The following KALRN variants were observed in gnomAD, a reference collection of about 807,000 sequenced individuals.
The protein encoded by KALRN is kalirin.
A neutral mutation model predicts 353.7 loss-of-function variants in KALRN; 70 were observed. That is an observed-to-expected ratio of 0.20 (90% CI 0.16 to 0.24). The LOEUF (loss-of-function observed/expected upper bound fraction) is 0.24. Among genes scored for constraint, KALRN ranks in the 10% least tolerant of loss-of-function variants. KALRN has a pLI of 1.00. For synonymous variants in KALRN, 1,391 were observed against 1,434.8 expected (o/e 0.97, Z 0.69); for missense variants, 2,791 against 3,756.7 (o/e 0.74, Z 6.72).
intron 1 of KALRN, among the ~76,000 whole-genome samples, chr3:124,186,732 T>C (rs953407758): frequency 1.6e-4 from 24 of 152,206 alleles, no homozygotes; most frequent in African/African-American, 5.8e-4. Flanking sequence ...ACAGTTCCCC[T>C]AGGGAATCAT....
At chr3:124,217,487 C>T (rs531699945) in intron 1 of KALRN, among the ~76,000 whole-genome samples, 16 of 152,112 alleles carry the variant, frequency 1.1e-4, no homozygotes, top group African/African-American at 2.9e-4. Flanking sequence ...TGTATGGGTA[C>T]GTACACAGAC....
chr3:124,361,247 T>C (rs374208911), intron 10 of KALRN, among the ~76,000 whole-genome samples: 42 of 152,282 alleles, frequency 2.8e-4, no homozygotes, highest in African/African-American at 9.6e-4. Flanking sequence ...CTAAAGGAAG[T>C]TTCTACTTTA....
At chr3:124,597,977 G>A (rs2076430175) in intron 34 of KALRN, among the ~76,000 whole-genome samples, 1 of 152,154 alleles carries the variant, frequency 6.6e-6, no homozygotes, top group South Asian at 2.1e-4. Flanking sequence ...CAGGGAGGGT[G>A]GAGTACTGGA....
chr3:124,157,088 G>A (rs1308615727), intron 1 of KALRN, among the ~76,000 whole-genome samples: 1 of 152,206 alleles, frequency 6.6e-6, no homozygotes, highest in East Asian at 1.9e-4. Flanking sequence ...GATGCCATTA[G>A]TTCAGTCTTT....
intron 37 of KALRN, among the ~76,000 whole-genome samples, chr3:124,647,730 T>A (rs2082938150): frequency 6.6e-6 from 1 of 152,182 alleles, no homozygotes; most frequent in Non-Finnish European, 1.5e-5. Flanking sequence ...ATAAATATTT[T>A]CCTGAATTCA....
At chr3:124,314,979 G>A (rs1199506584) in intron 6 of KALRN, among the ~76,000 whole-genome samples, 1 of 152,118 alleles carries the variant, frequency 6.6e-6, no homozygotes, top group Non-Finnish European at 1.5e-5. Flanking sequence ...AGCTTTTGTG[G>A]GAACTAACAG....
chr3:124,323,081 G>C (rs1390393931), intron 6 of KALRN, among the ~76,000 whole-genome samples: 1 of 137,374 alleles, frequency 7.3e-6, no homozygotes, highest in Non-Finnish European at 1.6e-5. Flanking sequence ...TCCGCCTGCT[G>C]ATAAGGAAAC....
intron 33 of KALRN, among the ~76,000 whole-genome samples, chr3:124,522,801 G>T (rs994693095): frequency 6.6e-6 from 1 of 152,202 alleles, no homozygotes; most frequent in Non-Finnish European, 1.5e-5. Context: ...CCTGAGAAAT[G>T]AGGCATCCAT....
intron 1 of KALRN, among the ~76,000 whole-genome samples, chr3:124,209,852 A>G (rs2076756090): frequency 6.6e-6 from 1 of 152,208 alleles, no homozygotes; most frequent in Non-Finnish European, 1.5e-5. Context: ...ATATGCTTGT[A>G]TTACATCATC....
intron 34 of KALRN, among the ~76,000 whole-genome samples, chr3:124,593,036 T>C (rs34086101): frequency 0.15 from 23,422 of 152,180 alleles, 1,941 homozygotes; most frequent in Middle Eastern, 0.19. Flanking sequence ...GTATGTGCTC[T>C]TCCCAGCGCA....
chr3:124,090,833 G>T (rs767344765), intron 1 of KALRN, among the ~76,000 whole-genome samples: 1 of 152,172 alleles, frequency 6.6e-6, no homozygotes, highest in Non-Finnish European at 1.5e-5. Context: ...ATAACCAACC[G>T]TCTAAGGTGA....
intron 33 of KALRN, among the ~76,000 whole-genome samples, chr3:124,526,393 C>T (rs894293202): frequency 4.0e-5 from 6 of 151,818 alleles, no homozygotes; most frequent in East Asian, 1.9e-4. Flanking sequence ...GCCAATATAG[C>T]GAGACCCTAT....
At chr3:124,622,740 C>G (rs1042770462) in intron 34 of KALRN, among the ~76,000 whole-genome samples, 4 of 152,122 alleles carry the variant, frequency 2.6e-5, no homozygotes, top group African/African-American at 9.7e-5. Context: ...TCCAAATCGC[C>G]TTGGGGTCAG....
At chr3:124,448,909 T>C (rs2058501805) in intron 21 of KALRN, among the ~76,000 whole-genome samples, 1 of 152,208 alleles carries the variant, frequency 6.6e-6, no homozygotes, top group Non-Finnish European at 1.5e-5. Flanking sequence ...TTGAGTAGAT[T>C]CACCCCCTCC....
At chr3:124,571,423 C>T (rs746118020) in intron 34 of KALRN, among the ~76,000 whole-genome samples, 1 of 152,208 alleles carries the variant, frequency 6.6e-6, no homozygotes, top group African/African-American at 2.4e-5. Flanking sequence ...GATCTGTTGT[C>T]CTCTCTGGGC....
At chr3:124,675,778 C>CT (rs1390724938) in intron 49 of KALRN, among the ~76,000 whole-genome samples, 1 of 152,162 alleles carries the variant, frequency 6.6e-6, no homozygotes, top group Non-Finnish European at 1.5e-5. Flanking sequence ...CAGTGTTTGA[C>CT]TGGCATTCTC....
At chr3:124,609,786 A>T (rs1561579) in intron 34 of KALRN, among the ~76,000 whole-genome samples, 33,643 of 152,122 alleles carry the variant, frequency 0.22, 3,805 homozygotes, top group Middle Eastern at 0.25. Flanking sequence ...GTCATATAAT[A>T]AGCTGTCACT....
At chr3:124,676,354 G>A (rs1432146379) in intron 49 of KALRN, among the ~76,000 whole-genome samples, 1 of 152,170 alleles carries the variant, frequency 6.6e-6, no homozygotes, top group Non-Finnish European at 1.5e-5. Flanking sequence ...TACCAGTGGA[G>A]GACACTCAGC....
At chr3:124,641,949 TCTA>T (rs1212274188) in intron 37 of KALRN, among the ~76,000 whole-genome samples, 3 of 152,268 alleles carry the variant, frequency 2.0e-5, no homozygotes, top group South Asian at 4.1e-4. Context: ...GCCCCAGAAT[TCTA>T]CTATCTTCCT....
Sources: allele counts gnomAD v4.1 joint callset (sites outside exome capture counted in the v4.1 genomes callset), GRCh38; gene constraint gnomAD v4.1.1; transcripts MANE v1.5; gene names NCBI Gene and HGNC (gene_info 2026-07-23, HGNC 2026-07-21).